PREPL: variants seen among roughly 807,000 people sequenced by gnomAD.
The protein encoded by PREPL is prolyl endopeptidase like, also known as prolyl endopeptidase-like.
Under a neutral mutation model 70.6 loss-of-function variants are expected in PREPL, and 77 were observed. The observed-to-expected ratio is 1.09, with a 90% confidence interval of 0.91 to 1.32. The LOEUF (loss-of-function observed/expected upper bound fraction) is 1.32. Ranked by LOEUF, PREPL falls within the 40% of genes most tolerant of loss-of-function variation. PREPL has a pLI of 0.00. For synonymous variants in PREPL, 315 were observed against 264.8 expected, an observed-to-expected ratio of 1.19 and a Z score of -1.84; for missense variants, 1,002 against 778.2, an observed-to-expected ratio of 1.29 and a Z score of -3.42.
Position 44,321,331 on chromosome 2 carries a change from C to A in PREPL, c.*25G>T. 1 of 1,550,286 alleles carries A rather than the reference C, an allele frequency of 6.5e-7. No individual in the cohort carries two copies. The highest frequency in any genetic ancestry group is 8.9e-7 in the Non-Finnish European group (1 of 1,125,366). ...GACTATGAAATATTTCAGTGTGTTT[C>A]CAATTCCCAGTTGAATGCAGTGTTT... On this transcript the variant is annotated 3_prime_UTR_variant, in exon 14 of 14. Transcript: ENST00000409411.
At chr2:44,338,253 A>G (rs1674840047) in intron 7 of PREPL, 98 bp downstream of exon 7, 3 of 1,153,010 alleles carry the variant, frequency 2.6e-6, no homozygotes, top group Non-Finnish European at 2.4e-6. Context: ...TTTCAAGAAA[A>G]AGAACACTGC....
At chr2:44,329,924 C>T (rs376215314) in intron 8 of PREPL, among the ~76,000 whole-genome samples, 20 of 152,210 alleles carry the variant, frequency 1.3e-4, no homozygotes, top group African/African-American at 4.1e-4. Flanking sequence ...GAAATAGCAC[C>T]GTTTACATAA....
chr2:44,338,159 A>G (rs943536922), intron 7 of PREPL, among the ~76,000 whole-genome samples, 192 bp downstream of exon 7: 1 of 152,234 alleles, frequency 6.6e-6, no homozygotes, highest in Non-Finnish European at 1.5e-5. Flanking sequence ...AAACTGCATA[A>G]AAAGCAAGAT....
intron 5 of PREPL, 73 bp downstream of exon 5, chr2:44,342,344 C>T: frequency 2.2e-6 from 3 of 1,355,570 alleles, no homozygotes; most frequent in Admixed American, 2.3e-5. Context: ...CGTTTTAAGT[C>T]AACCAAAGTC....
At chr2:44,338,681 G>A (rs1328176322) in intron 6 of PREPL, 145 bp from the exon 7 acceptor site, 1 of 721,622 alleles carries the variant, frequency 1.4e-6, no homozygotes, top group African/African-American at 1.8e-5. Context: ...CAGGGATAAA[G>A]TGTGACCATC....
In PREPL at chr2:44,361,477, A is replaced by ATCTCGGTG; in HGVS notation, c.-147_-146insCACCGAGA. The ATCTCGGTG allele has an allele frequency of 6.5e-6, 1 of 153,026 alleles. No homozygotes were observed. Among genetic ancestry groups the ATCTCGGTG allele is most frequent in the South Asian group, 2.0e-4 (1 of 4,994 alleles). The allele number at this position is 153,026 out of a possible 1,614,324, so 9.5% of individuals were successfully genotyped here. Reference sequence around the variant, plus strand: ...AGGGGAGCAGGTGTCACCGCAGGCAAGTCCAGCCGAAGTCTGCGTTCCGCA... The same window carrying ATCTCGGTG: ...AGGGGAGCAGGTGTCACCGCAGGCAATCTCGGTGGTCCAGCCGAAGTCTGCGTTCCGCA... On this transcript the variant is annotated 5_prime_UTR_variant, in exon 1 of 14. Transcript: ENST00000409411.
At chr2:44,328,826 GAAT>G (rs1274831354) in intron 9 of PREPL, 108 bp downstream of exon 9, 5 of 1,131,878 alleles carry the variant, frequency 4.4e-6, no homozygotes, top group East Asian at 2.5e-5. Context: ...TACAAAAATT[GAAT>G]AATAAGAATG....
At chr2:44,361,214 C>T (rs1415867601) in intron 1 of PREPL, among the ~76,000 whole-genome samples, 166 bp downstream of exon 1, 2 of 152,164 alleles carry the variant, frequency 1.3e-5, no homozygotes, top group African/African-American at 4.8e-5. Flanking sequence ...CAACTCTCCA[C>T]CCCAGGGATG....
At chr2:44,347,738 G>GACTT (rs1466935376) in intron 1 of PREPL, among the ~76,000 whole-genome samples, 1 of 152,166 alleles carries the variant, frequency 6.6e-6, no homozygotes, top group Non-Finnish European at 1.5e-5. Context: ...CCAGAGGGGG[G>GACTT]ACTTAAGTCT....
In PREPL at chr2:44,342,555, GAAAGA is replaced by G. The variant is rs1675339034; in HGVS notation, c.350-8_350-4del. ...ATCTTCCTCGTCCTTTACCCATTCT[GAAAGA>G]AAATAATGAGATAATTATACATAAT... On this transcript the variant is annotated splice_polypyrimidine_tract_variant and splice_region_variant and intron_variant, in intron 4 of 13. Coordinates refer to ENST00000409411, the MANE Select transcript of PREPL (RefSeq NM_001171613.2). 3 of 1,461,462 alleles carry G rather than the reference GAAAGA, an allele frequency of 2.1e-6. No homozygotes were observed. In the Admixed American group the frequency reaches 6.0e-5, roughly 29 times the overall value. 90.5% of individuals were successfully genotyped at this position (1,461,462 alleles called of 1,614,324 possible).
At chr2:44,351,398 G>A (rs565980273) in intron 1 of PREPL, among the ~76,000 whole-genome samples, 1 of 151,912 alleles carries the variant, frequency 6.6e-6, no homozygotes, top group South Asian at 2.1e-4. Flanking sequence ...GAACAATCCT[G>A]ACCAAGATGA....
At chr2:44,342,665 T>A in intron 4 of PREPL, 113 bp from the exon 5 acceptor site, 1 of 824,214 alleles carries the variant, frequency 1.2e-6, no homozygotes, top group Non-Finnish European at 1.9e-6. Flanking sequence ...TGCAAGTTTA[T>A]CCCTGGAAAT....
intron 12 of PREPL, among the ~76,000 whole-genome samples, chr2:44,322,485 ATTTCCTG>A (rs1673072448): frequency 6.6e-6 from 1 of 152,178 alleles, no homozygotes; most frequent in African/African-American, 2.4e-5. Flanking sequence ...TGATTCTTAA[ATTTCCTG>A]TTTCCTTTGT....
chr2:44,351,869 C>A (rs571163731), intron 1 of PREPL, among the ~76,000 whole-genome samples: 1 of 152,274 alleles, frequency 6.6e-6, no homozygotes, highest in African/African-American at 2.4e-5. Context: ...CACTCAAAAC[C>A]CTCCAGTGGT....
At chr2:44,343,436 AACTTACGTGT>A (rs1675436716) in intron 4 of PREPL, among the ~76,000 whole-genome samples, 1 of 152,204 alleles carries the variant, frequency 6.6e-6, no homozygotes, top group African/African-American at 2.4e-5. Flanking sequence ...ATTAAGATGC[AACTTACGTGT>A]AAAAATTTAT....
Position 44,339,264 on chromosome 2 carries a change from G to T in PREPL, c.585C>A (p.Ser195Arg). Residue 195 changes from serine (S) to arginine (R), a missense_variant, in exon 6 of 14, where the codon AGC becomes AGA. Physicochemically the swap from Ser to Arg is moderately radical, Grantham distance 110. Coordinates refer to ENST00000409411, the MANE Select transcript of PREPL (RefSeq NM_001171613.2). The part of the protein sequence containing the change: ...TSEVWLIDGL[S>R]PWDPPVLIQK... ...GGATAAGTACTGGTGGGTCCCAAGG[G>T]CTCAGGCCATCTATCAACCACACTT... 1.2e-6 allele frequency: 2 copies of T among 1,614,076 alleles called. No individual in the cohort carries two copies. Among genetic ancestry groups the T allele is most frequent in the Non-Finnish European group, 1.7e-6 (2 of 1,180,014 alleles).
chr2:44,350,081 A>G (rs1221208772), intron 1 of PREPL, among the ~76,000 whole-genome samples: 2 of 152,172 alleles, frequency 1.3e-5, no homozygotes, highest in East Asian at 3.8e-4. Flanking sequence ...AGGTAAAACT[A>G]CTCATTTTAT....
chr2:44,318,233 G>C lies in PREPL; in HGVS notation c.*3123C>G, dbSNP rs1213844385. 10 of 345,240 alleles carry C rather than the reference G, an allele frequency of 2.9e-5. No individual in the cohort carries two copies. The highest frequency in any genetic ancestry group is 1.1e-5 in the Non-Finnish European group (2 of 174,446). The allele number at this position is 345,240 out of a possible 1,614,324, so 21.4% of individuals were successfully genotyped here. A position where few individuals can be genotyped will look rare whatever the true frequency, so the allele number is the denominator to read the frequency against. On this transcript the variant is annotated 3_prime_UTR_variant, in exon 14 of 14. Coordinates refer to ENST00000409411, the MANE Select transcript of PREPL (RefSeq NM_001171613.2). Reference sequence around the variant, plus strand: ...AGCCTCCCAAGTAGCTGGGATTACAGGTGCACGTCATTATGCCCGGGTAAT... The same window carrying C: ...AGCCTCCCAAGTAGCTGGGATTACACGTGCACGTCATTATGCCCGGGTAAT...
At chr2:44,326,081 T>G (rs1673459589) in intron 10 of PREPL, among the ~76,000 whole-genome samples, 1 of 152,166 alleles carries the variant, frequency 6.6e-6, no homozygotes, top group Non-Finnish European at 1.5e-5. Context: ...CTCAGTGCAT[T>G]CCAGAGTCAC....
Sources: allele counts gnomAD v4.1 joint callset (sites outside exome capture counted in the v4.1 genomes callset), GRCh38; gene constraint gnomAD v4.1.1; transcripts MANE v1.5; gene names NCBI Gene and HGNC (gene_info 2026-07-23, HGNC 2026-07-21).